Variants in ADGRL2 observed in about 807,000 individuals in gnomAD.
ADGRL2 encodes calcium-independent alpha-latrotoxin receptor 2.
Under a neutral mutation model 157.4 loss-of-function variants are expected in ADGRL2, and 44 were observed. The observed-to-expected ratio is 0.28, with a 90% CI of 0.22 to 0.36. The LOEUF (loss-of-function observed/expected upper bound fraction) is 0.36, where lower values mean the gene tolerates loss of function less well. ADGRL2 is among the 10% of genes least tolerant of loss of function. ADGRL2 has a pLI of 1.00. For missense variants in ADGRL2, 1,510 were observed against 1,768.9 expected (o/e 0.85, Z 2.63); for synonymous variants, 585 against 624.7 (o/e 0.94, Z 0.95).
In ADGRL2 at chr1:81,990,860, C is replaced by T; in HGVS notation, c.4125C>T (p.Ser1375=). The change falls in exon 24 of 24, where the codon TCC becomes TCT. Residue 1375 remains serine (S), a synonymous_variant. Coordinates refer to ENST00000686636, the MANE Select transcript of ADGRL2 (RefSeq NM_001366006.2). ...CAGAGGCTGAAGATCACCTACAGTC[C>T]CCCAACAGAGACTCTCTTTATACAA... ...LTAEAEDHLQ[S]PNRDSLYTSM... 1.2e-6 allele frequency: 2 copies of T among 1,614,004 alleles called. No homozygotes were observed. Among genetic ancestry groups the T allele is most frequent in the South Asian group, 2.2e-5 (2 of 91,082 alleles).
At chr1:81,358,469 C>A (rs1465727015) in intron 1 of ADGRL2, among the ~76,000 whole-genome samples, 1 of 152,136 alleles carries the variant, frequency 6.6e-6, no homozygotes, top group Non-Finnish European at 1.5e-5. Context: ...TAAATTCAGT[C>A]TGAGCCCCTG....
At chr1:81,391,091 C>G (rs539143588) in intron 1 of ADGRL2, among the ~76,000 whole-genome samples, 2 of 152,258 alleles carry the variant, frequency 1.3e-5, no homozygotes, top group Admixed American at 6.5e-5. Flanking sequence ...TTAGCATATG[C>G]TGTTTGAAGT....
intron 1 of ADGRL2, among the ~76,000 whole-genome samples, chr1:81,370,694 T>G (rs1401382583): frequency 6.6e-6 from 1 of 152,112 alleles, no homozygotes; most frequent in African/African-American, 2.4e-5. Flanking sequence ...ACAGAGTACT[T>G]CAGAAATTTT....
intron 1 of ADGRL2, among the ~76,000 whole-genome samples, chr1:81,830,802 TG>T (rs1424376071): frequency 2.0e-5 from 3 of 152,192 alleles, no homozygotes; most frequent in Non-Finnish European, 4.4e-5. Flanking sequence ...CCACCGCGCC[TG>T]GCCAATTTTT....
At chr1:81,356,087 G>A (rs559503692) in intron 1 of ADGRL2, among the ~76,000 whole-genome samples, 1 of 152,206 alleles carries the variant, frequency 6.6e-6, no homozygotes, top group East Asian at 1.9e-4. Context: ...TTGCCAGTGG[G>A]AAGAGATAAG....
chr1:81,351,483 A>G (rs951098251), intron 1 of ADGRL2, among the ~76,000 whole-genome samples: 1 of 152,180 alleles, frequency 6.6e-6, no homozygotes, highest in Admixed American at 6.5e-5. Flanking sequence ...AAATAAAATA[A>G]ATTTTAAAGT....
intron 1 of ADGRL2, among the ~76,000 whole-genome samples, chr1:81,826,174 A>G (rs1306203866): frequency 1.3e-5 from 2 of 152,144 alleles, no homozygotes. Context: ...ATACATGCAC[A>G]TATATATTTA....
intron 2 of ADGRL2, among the ~76,000 whole-genome samples, chr1:81,896,018 C>T (rs910203656): frequency 1.3e-5 from 2 of 152,074 alleles, no homozygotes; most frequent in African/African-American, 4.8e-5. Context: ...AATACATACT[C>T]AGGCTGGATG....
chr1:81,967,977 C>T (rs1445749207), intron 13 of ADGRL2, 49 bp from the exon 14 acceptor site: 33 of 1,423,210 alleles, frequency 2.3e-5, no homozygotes, highest in Non-Finnish European at 3.2e-5. Flanking sequence ...TTGCTGTTGC[C>T]ATCTTAGAAT....
At chr1:81,311,698 A>C (rs1440131757) in intron 1 of ADGRL2, among the ~76,000 whole-genome samples, 1 of 152,228 alleles carries the variant, frequency 6.6e-6, no homozygotes, top group Non-Finnish European at 1.5e-5. Context: ...TACTGAGCCT[A>C]CGCTCTCTGA....
intron 2 of ADGRL2, among the ~76,000 whole-genome samples, chr1:81,867,397 T>G (rs1394671242): frequency 6.6e-6 from 1 of 152,238 alleles, no homozygotes; most frequent in African/African-American, 2.4e-5. Context: ...GTATTCTGAC[T>G]GCTGTTGCTA....
At chr1:81,982,272 A>G (rs1661886134) in intron 19 of ADGRL2, among the ~76,000 whole-genome samples, 1 of 152,002 alleles carries the variant, frequency 6.6e-6, no homozygotes, top group Non-Finnish European at 1.5e-5. Flanking sequence ...AAGGTAAAAG[A>G]AAAGGTTAAA....
intron 2 of ADGRL2, among the ~76,000 whole-genome samples, chr1:81,576,949 T>C (rs1345573282): frequency 6.6e-6 from 1 of 152,162 alleles, no homozygotes; most frequent in African/African-American, 2.4e-5. Flanking sequence ...TGTTGTTGGA[T>C]CCCATGTTTG....
At chr1:81,885,076 T>C (rs1272126481) in intron 2 of ADGRL2, among the ~76,000 whole-genome samples, 2 of 152,196 alleles carry the variant, frequency 1.3e-5, no homozygotes, top group Non-Finnish European at 2.9e-5. Flanking sequence ...AAATTGCCAA[T>C]TTATTTATTG....
chr1:81,991,212 C>T lies in ADGRL2; in HGVS notation c.*67C>T, dbSNP rs777159822. 9.1e-6 allele frequency: 13 copies of T among 1,424,682 alleles called. No homozygotes were observed. The highest frequency in any genetic ancestry group is 5.4e-5 in the South Asian group (4 of 73,782). The allele number at this position is 1,424,682 out of a possible 1,614,324, so 88.3% of individuals were successfully genotyped here. A position where few individuals can be genotyped will look rare whatever the true frequency, so the allele number is the denominator to read the frequency against. On this transcript the variant is annotated 3_prime_UTR_variant, in exon 24 of 24. Coordinates refer to ENST00000686636, the MANE Select transcript of ADGRL2 (RefSeq NM_001366006.2). ...ATAAATAAAGACACCATTGGCCTGA[C>T]GCAGCTCCCTCAAACTCTGCTTGAA...
intron 2 of ADGRL2, among the ~76,000 whole-genome samples, chr1:81,778,923 C>T (rs1172599840): frequency 6.6e-6 from 1 of 152,182 alleles, no homozygotes. Flanking sequence ...CAAATAGTAA[C>T]ATATGTTTTA....
chr1:81,754,130 G>C (rs776489142), intron 1 of ADGRL2, among the ~76,000 whole-genome samples: 1 of 151,864 alleles, frequency 6.6e-6, no homozygotes, highest in Non-Finnish European at 1.5e-5. Flanking sequence ...ATGCCAATAA[G>C]GCTTCTTGGA....
chr1:81,369,883 GC>G (rs1406352597), intron 1 of ADGRL2, among the ~76,000 whole-genome samples: 3 of 152,056 alleles, frequency 2.0e-5, no homozygotes, highest in Admixed American at 6.6e-5. Context: ...ATTTCACTAA[GC>G]TTTTTGGAAC....
At chr1:81,425,110 A>G (rs1224129771) in intron 1 of ADGRL2, among the ~76,000 whole-genome samples, 1 of 152,242 alleles carries the variant, frequency 6.6e-6, no homozygotes, top group Non-Finnish European at 1.5e-5. Context: ...CTGGAGCATA[A>G]AAGAATGAGA....
Sources: allele counts gnomAD v4.1 joint callset (sites outside exome capture counted in the v4.1 genomes callset), GRCh38; gene constraint gnomAD v4.1.1; transcripts MANE v1.5; gene names NCBI Gene and HGNC (gene_info 2026-07-23, HGNC 2026-07-21).